TRIM63: variants seen among roughly 807,000 people sequenced by gnomAD.
TRIM63 encodes the protein tripartite motif containing 63, also known as E3 ubiquitin-protein ligase TRIM63.
Under a neutral mutation model 46.0 loss-of-function variants are expected in TRIM63, and 48 were observed. The observed-to-expected ratio is 1.04, with a 90% CI of 0.83 to 1.33. The LOEUF (loss-of-function observed/expected upper bound fraction) is 1.33, where lower values mean the gene tolerates loss of function less well. Among genes scored for constraint, TRIM63 ranks in the 40% most tolerant of loss-of-function variants. TRIM63 has a pLI of 0.00. For synonymous variants in TRIM63, 175 were observed against 162.8 expected, an observed-to-expected ratio of 1.08 and a Z score of -0.57; for missense variants, 455 against 441.2, an observed-to-expected ratio of 1.03 and a Z score of -0.28.
At chr1:26,063,266 A>G (rs1378195734) in intron 2 of TRIM63, among the ~76,000 whole-genome samples, 1 of 152,028 alleles carries the variant, frequency 6.6e-6, no homozygotes, top group Non-Finnish European at 1.5e-5. Context: ...GTCTCCGGCT[A>G]GACTATACAC....
At chr1:26,060,234 A>C (rs773326320) in intron 4 of TRIM63, 32 bp downstream of exon 4, 1 of 1,598,564 alleles carries the variant, frequency 6.3e-7, no homozygotes, top group Admixed American at 1.7e-5. Context: ...GAAAGCTCCA[A>C]ATCCCCAGGC....
chr1:26,057,306 G>T lies in TRIM63; in HGVS notation c.876C>A (p.Gly292=). 1 of 1,614,148 alleles carries T rather than the reference G, an allele frequency of 6.2e-7. No individual in the cohort carries two copies. ...LIKSIVEASK[G]CQLGKTEQGF... ...CCTGCTCTGTCTTCCCCAGCTGGCAGCCCTTGGAAGCTTCCACAATGCTGC... is the reference window on the plus strand; with the variant it reads ...CCTGCTCTGTCTTCCCCAGCTGGCATCCCTTGGAAGCTTCCACAATGCTGC... The change falls in exon 7 of 9, where the codon GGC becomes GGA. Residue 292 remains glycine, a synonymous_variant. Coordinates refer to ENST00000374272, the MANE Select transcript of TRIM63 (RefSeq NM_032588.4).
chr1:26,051,612 T>C lies in TRIM63; in HGVS notation c.*261A>G, dbSNP rs1474877646. On this transcript the variant is annotated 3_prime_UTR_variant, in exon 9 of 9. Transcript: ENST00000374272. ...TCACATTTTAAAAATGTACAAAATATTCCATTTTGCACCAATGTAGAAAAG... is the reference window on the plus strand; with the variant it reads ...TCACATTTTAAAAATGTACAAAATACTCCATTTTGCACCAATGTAGAAAAG... 5.4e-6 allele frequency: 2 copies of C among 371,344 alleles called. No individual in the cohort carries two copies. The highest frequency in any genetic ancestry group is 4.2e-5 in the African/African-American group (2 of 47,896). The allele number at this position is 371,344 out of a possible 1,614,324, so 23.0% of individuals were successfully genotyped here. A position where few individuals can be genotyped will look rare whatever the true frequency, so the allele number is the denominator to read the frequency against.
intron 2 of TRIM63, among the ~76,000 whole-genome samples, chr1:26,062,007 C>T (rs9438609): frequency 0.052 from 7,962 of 152,180 alleles, 681 homozygotes; most frequent in African/African-American, 0.18. Context: ...GTGGCTCACG[C>T]CTGTAATCCC....
intron 8 of TRIM63, among the ~76,000 whole-genome samples, chr1:26,052,840 G>T (rs1239704389): frequency 6.6e-6 from 1 of 152,108 alleles, no homozygotes; most frequent in East Asian, 1.9e-4. Context: ...GTCCAGCATT[G>T]TTTGCTTTTT....
At position 26,067,525 on chromosome 1, in the gene TRIM63, C is replaced by A; in HGVS notation, c.-31G>T. ...GGGAAGGAATGAGAGCCACGCCTAGCTGCCTCCTCTACTAACTTTGCTCTA... is the reference window on the plus strand; with the variant it reads ...GGGAAGGAATGAGAGCCACGCCTAGATGCCTCCTCTACTAACTTTGCTCTA... On this transcript the variant is annotated 5_prime_UTR_variant, in exon 1 of 9. Transcript: ENST00000374272. 9.3e-6 allele frequency: 15 copies of A among 1,610,572 alleles called. No individual in the cohort carries two copies. The highest frequency in any genetic ancestry group is 1.3e-5 in the Non-Finnish European group (15 of 1,178,966).
At position 26,051,779 on chromosome 1, in the gene TRIM63, C is replaced by CCCAA; in HGVS notation, c.*93_*94insTTGG. The stretch of plus-strand genomic sequence containing the variant: ...CCATTGCCCCTCCAGGGGCCCCGAC[C>CCCAA]CCTCCCACCCTGGGCCTGTCACCAA... On this transcript the variant is annotated 3_prime_UTR_variant, in exon 9 of 9. Coordinates refer to ENST00000374272, the MANE Select transcript of TRIM63 (RefSeq NM_032588.4). 3 of 635,528 alleles carry CCCAA rather than the reference C, an allele frequency of 4.7e-6. No individual in the cohort carries two copies. Among genetic ancestry groups the CCCAA allele is most frequent in the Non-Finnish European group, 7.1e-6 (3 of 425,410 alleles). 39.4% of individuals were successfully genotyped at this position (635,528 alleles called of 1,614,324 possible). A position where few individuals can be genotyped will look rare whatever the true frequency, so the allele number is the denominator to read the frequency against.
chr1:26,065,187 C>G (rs1252544419), intron 2 of TRIM63, among the ~76,000 whole-genome samples: 1 of 152,122 alleles, frequency 6.6e-6, no homozygotes, highest in Admixed American at 6.6e-5. Context: ...CCACGCCTGG[C>G]TAATTTTTGT....
At position 26,058,393 on chromosome 1, in the gene TRIM63, G is replaced by A. The variant is rs1400011642; in HGVS notation, c.828C>T (p.Leu276=). ...AGACCCTTCTAGTCCTGCTCACCAA[G>A]AGGAAGGTGGCTCCCCCAGGCTCGT... ...SLDEPGGATF[L]LTAKQLIKSI... is the part of the protein sequence containing the mutation. The change falls in exon 5 of 9, where the codon CTC becomes CTT. Residue 276 remains leucine (L), a synonymous_variant. Coordinates refer to ENST00000374272, the MANE Select transcript of TRIM63 (RefSeq NM_032588.4). 6.2e-7 allele frequency: 1 copy of A among 1,613,900 alleles called. No homozygotes were observed. Among genetic ancestry groups the A allele is most frequent in the South Asian group, 1.1e-5 (1 of 91,068 alleles).
chr1:26,051,906 G>A, intron 8 of TRIM63, 23 bp from the exon 9 acceptor site: 1 of 1,315,910 alleles, frequency 7.6e-7, no homozygotes, highest in South Asian at 3.0e-5. Flanking sequence ...AAAAGATACA[G>A]AGGCAAGGGG....
chr1:26,063,624 C>G (rs1247895631), intron 2 of TRIM63, among the ~76,000 whole-genome samples: 1 of 152,204 alleles, frequency 6.6e-6, no homozygotes, highest in Non-Finnish European at 1.5e-5. Context: ...CCCTCCCAAG[C>G]TCAGACTTTG....
Position 26,061,075 on chromosome 1 carries a change from A to T in TRIM63, c.501+91T>A, listed in dbSNP as rs532881337. ...GAGACTATTCCTGAAAGGCCAGATC[A>T]GCAGATCTACAGGGATCAAATCTGC... On this transcript the variant is annotated intron_variant, in intron 3 of 8. Transcript: ENST00000374272. The T allele has an allele frequency of 4.3e-6, 6 of 1,380,022 alleles. No individual in the cohort carries two copies. The Admixed American group carries it at 6.2e-5, about 14-fold the overall frequency. The allele number at this position is 1,380,022 out of a possible 1,614,324, so 85.5% of individuals were successfully genotyped here. A position where few individuals can be genotyped will look rare whatever the true frequency, so the allele number is the denominator to read the frequency against.
chr1:26,060,845 G>T (rs2050617444), intron 3 of TRIM63, among the ~76,000 whole-genome samples: 1 of 152,204 alleles, frequency 6.6e-6, no homozygotes, highest in African/African-American at 2.4e-5. Flanking sequence ...TCTTGGAGAA[G>T]AGGTGAGAGG....
At chr1:26,052,431 C>A (rs1366941546) in intron 8 of TRIM63, among the ~76,000 whole-genome samples, 1 of 152,072 alleles carries the variant, frequency 6.6e-6, no homozygotes, top group African/African-American at 2.4e-5. Flanking sequence ...TGGGGCTGGG[C>A]AAACTGGCAA....
intron 7 of TRIM63, among the ~76,000 whole-genome samples, chr1:26,055,229 G>A (rs1477185462): frequency 6.6e-6 from 1 of 152,194 alleles, no homozygotes; most frequent in African/African-American, 2.4e-5. Context: ...CCAGCTGTGT[G>A]GCCTTGAACA....
intron 2 of TRIM63, among the ~76,000 whole-genome samples, chr1:26,065,167 G>A (rs1010012087): frequency 1.3e-5 from 2 of 151,986 alleles, no homozygotes; most frequent in African/African-American, 4.8e-5. Context: ...GGGATGACAG[G>A]CACGCGCCAC....
In TRIM63 at chr1:26,066,308, C is replaced by CCTG; in HGVS notation, c.291_292insCAG (p.Leu97_Val98insGln). 8.1e-6 allele frequency: 13 copies of CCTG among 1,614,148 alleles called. No homozygotes were observed. The highest frequency in any genetic ancestry group is 3.4e-6 in the Non-Finnish European group (4 of 1,180,028). On this transcript the variant is annotated inframe_insertion, in exon 2 of 9. Coordinates refer to ENST00000374272, the MANE Select transcript of TRIM63 (RefSeq NM_032588.4). ...TTGTAGATGTCGATGATGTTCTCCA[C>CCTG]CAGCAGGTTCCTCTGCAGGCCGTAC...
At chr1:26,056,055 T>C (rs922718759) in intron 7 of TRIM63, among the ~76,000 whole-genome samples, 3 of 152,168 alleles carry the variant, frequency 2.0e-5, no homozygotes, top group African/African-American at 7.2e-5. Context: ...AGTTCTTCCT[T>C]GTTCCTTCAT....
rs1557572766 is a variant in TRIM63 at position 26,058,595 on chromosome 1, AG to A, written c.625del (p.Leu209Ter). ...KENSHQVKEE[L>X]SQKFDTLYAI... ...ATACAACGTGTCAAACTTCTGGCTC[AG>A]CTCTTCCTTTACCTGGTGACTGTTC... is the stretch of plus-strand genomic sequence containing the variant. On this transcript the variant is annotated frameshift_variant, in exon 5 of 9. Transcript: ENST00000374272. LOFTEE classifies it high-confidence loss of function. 3 of 1,613,994 alleles carry A rather than the reference AG, an allele frequency of 1.9e-6. No individual in the cohort carries two copies. The highest frequency in any genetic ancestry group is 2.5e-6 in the Non-Finnish European group (3 of 1,180,022).
Sources: gnomAD v4.1 joint callset for allele counts (sites outside exome capture counted in the v4.1 genomes callset) on GRCh38, gnomAD v4.1.1 for gene constraint, MANE v1.5 for transcripts, NCBI Gene and HGNC (gene_info 2026-07-23, HGNC 2026-07-21) for gene names.